CCL25: variants seen among roughly 807,000 people sequenced by gnomAD.
CCL25 encodes C-C motif chemokine 25.
In CCL25, 14 loss-of-function variants were observed where a neutral mutation model predicts 19.9. The ratio of observed to expected loss-of-function variants is 0.70; its 90% confidence interval spans 0.47 to 1.10. CCL25 has a LOEUF of 1.10. Among genes scored for constraint, CCL25 ranks in the 50% least tolerant of loss-of-function variants. The pLI, the probability that CCL25 is intolerant of heterozygous loss-of-function variation, is 0.00. For synonymous variants in CCL25, 68 were observed against 73.2 expected, an observed-to-expected ratio of 0.93 and a Z score of 0.36; for missense variants, 151 against 181.2, an observed-to-expected ratio of 0.83 and a Z score of 0.96.
intron 2 of CCL25, among the ~76,000 whole-genome samples, chr19:8,054,335 G>T (rs752070750): frequency 6.6e-6 from 1 of 152,216 alleles, no homozygotes; most frequent in East Asian, 1.9e-4. Flanking sequence ...CCAGCCCTTC[G>T]ATCCTGGCCT....
intron 2 of CCL25, among the ~76,000 whole-genome samples, chr19:8,054,556 C>G (rs1423169686): frequency 6.6e-6 from 1 of 152,096 alleles, no homozygotes; most frequent in African/African-American, 2.4e-5. Flanking sequence ...CTCCAAAGGC[C>G]ATTTAGGCAG....
intron 2 of CCL25, among the ~76,000 whole-genome samples, chr19:8,054,506 C>T (rs986423682): frequency 2.0e-5 from 3 of 152,188 alleles, no homozygotes; most frequent in African/African-American, 4.8e-5. Context: ...CAGACTCGGC[C>T]TCTGGAGGTT....
At chr19:8,056,869 G>A (rs2081276148) in intron 4 of CCL25, among the ~76,000 whole-genome samples, 1 of 152,066 alleles carries the variant, frequency 6.6e-6, no homozygotes, top group East Asian at 1.9e-4. Context: ...TTGAGACAGA[G>A]TCTTACTGTG....
At chr19:8,055,963 C>T (rs2081268116) in intron 2 of CCL25, among the ~76,000 whole-genome samples, 189 bp from the exon 3 acceptor site, 1 of 152,318 alleles carries the variant, frequency 6.6e-6, no homozygotes, top group South Asian at 2.1e-4. Context: ...CTCTGGCTGT[C>T]CCAATATCCA....
At position 8,057,892 on chromosome 19, in the gene CCL25, T is replaced by C. The variant is rs939371726; in HGVS notation, c.417T>C (p.Asn139=). The stretch of plus-strand genomic sequence containing the variant: ...ATCCCATCAGCAGCAGTAAGAGGAA[T>C]GTCTCCCTCCTGATATCAGCTAATT... ...FSNPISSSKR[N]VSLLISANSG... is the part of the protein sequence containing the mutation. Residue 139 remains asparagine, a synonymous_variant, in exon 5 of 6, where the codon AAT becomes AAC. Transcript: ENST00000315626. 1 of 1,613,054 alleles carries C rather than the reference T, an allele frequency of 6.2e-7. No individual in the cohort carries two copies. The highest frequency in any genetic ancestry group is 1.1e-5 in the South Asian group (1 of 91,058).
rs548907447 is a variant in CCL25, at chr19:8,058,006, G to C, written c.445+86G>C. On this transcript the variant is annotated intron_variant, in intron 5 of 5. Transcript: ENST00000315626. ...TCGTGATTGGCTCACACTGGGACAG[G>C]AGATTCACCTCCAGGACCCAGGAGA... 8.5e-6 allele frequency: 13 copies of C among 1,537,478 alleles called. 1 individual carries two copies. The highest frequency in any genetic ancestry group is 7.4e-5 in the South Asian group (6 of 80,564).
intron 5 of CCL25, among the ~76,000 whole-genome samples, chr19:8,058,818 TGG>T (rs2081294158): frequency 7.1e-6 from 1 of 139,878 alleles, no homozygotes; most frequent in Non-Finnish European, 1.5e-5. Context: ...GCCACCACGC[TGG>T]GCTAATTTTT....
chr19:8,062,453 C>A lies in CCL25; in HGVS notation c.*228C>A. On this transcript the variant is annotated 3_prime_UTR_variant, in exon 6 of 6. Coordinates refer to ENST00000315626, the MANE Select transcript of CCL25 (RefSeq NM_005624.4). Reference sequence around the variant, plus strand: ...AGCCTTTTGCCGCTCCGGGGACCAGCAGCAATCCTGGGCAGCCAGTGGCTC... The same window carrying A: ...AGCCTTTTGCCGCTCCGGGGACCAGAAGCAATCCTGGGCAGCCAGTGGCTC... The A allele has an allele frequency of 5.3e-6, 3 of 565,264 alleles. No homozygotes were observed. The highest frequency in any genetic ancestry group is 9.5e-6 in the Non-Finnish European group (3 of 315,174). 35.0% of individuals were successfully genotyped at this position (565,264 alleles called of 1,614,324 possible).
At chr19:8,058,308 A>AATATATAAGTAAATATATAATATATAAAC (rs1568335146) in intron 5 of CCL25, among the ~76,000 whole-genome samples, 1 of 129,798 alleles carries the variant, frequency 7.7e-6, no homozygotes, top group Non-Finnish European at 1.6e-5. Context: ...AAACATATAT[A>AATATATAAGTAAATATATAATATATAAAC]ATATATAAGT....
rs1568332191 is a variant in CCL25, at chr19:8,052,800, C to T, written c.-73C>T. 5 of 452,634 alleles carry T rather than the reference C, an allele frequency of 1.1e-5. No homozygotes were observed. Among genetic ancestry groups the T allele is most frequent in the East Asian group, 3.4e-5 (1 of 29,488 alleles). The allele number at this position is 452,634 out of a possible 1,614,324, so 28.0% of individuals were successfully genotyped here. On this transcript the variant is annotated 5_prime_UTR_variant, in exon 1 of 6. Coordinates refer to ENST00000315626, the MANE Select transcript of CCL25 (RefSeq NM_005624.4). ...TGGCCTACAGCCCGGCGGGCATCAGCTCCCTTGACCCAGTGGATATCGGTG... is the reference window on the plus strand; with the variant it reads ...TGGCCTACAGCCCGGCGGGCATCAGTTCCCTTGACCCAGTGGATATCGGTG...
At chr19:8,052,456 G>C (rs1001171717), upstream of CCL25, among the ~76,000 whole-genome samples, 2 of 151,928 alleles carry the variant, frequency 1.3e-5, no homozygotes, top group African/African-American at 2.4e-5. Context: ...GTAAGGGCTT[G>C]TTTGGGGGCT....
chr19:8,060,211 T>G (rs1338528390), intron 5 of CCL25, among the ~76,000 whole-genome samples: 3 of 151,188 alleles, frequency 2.0e-5, no homozygotes, highest in African/African-American at 4.9e-5. Context: ...TGTGGTGGCA[T>G]GCACCTGTAG....
In CCL25 at chr19:8,056,067, A is replaced by G. The variant is rs886464936; in HGVS notation, c.74-85A>G. The G allele has an allele frequency of 1.9e-5, 17 of 874,316 alleles. No individual in the cohort carries two copies. In the African/African-American group the frequency reaches 2.7e-4, roughly 14 times the overall value. The allele number at this position is 874,316 out of a possible 1,614,324, so 54.2% of individuals were successfully genotyped here. Reference sequence around the variant, plus strand: ...AGGGTTGTGGTATGAGCAGACAGGTATGCAGACAGGTGCCCTTGCCTGTGG... The same window carrying G: ...AGGGTTGTGGTATGAGCAGACAGGTGTGCAGACAGGTGCCCTTGCCTGTGG... On this transcript the variant is annotated intron_variant, in intron 2 of 5. Transcript: ENST00000315626.
At position 8,057,837 on chromosome 19, in the gene CCL25, A is replaced by G. The variant is rs1279189766; in HGVS notation, c.362A>G (p.Asn121Ser). 1 of 1,613,250 alleles carries G rather than the reference A, an allele frequency of 6.2e-7. No individual in the cohort carries two copies. Among genetic ancestry groups the G allele is most frequent in the South Asian group, 1.1e-5 (1 of 91,012 alleles). The change falls in exon 5 of 6, where the codon AAC (asparagine) becomes AGC (serine). Residue 121 changes from asparagine (N) to serine (S), a missense_variant. By Grantham distance (46) the Asn-to-Ser change is conservative. Coordinates refer to ENST00000315626, the MANE Select transcript of CCL25 (RefSeq NM_005624.4). ...GCTGTAAAGAAGTTGAGTTCTGGAA[A>G]CTCCAAGTTATCATCGTCCAAGTTT... ...PHAVKKLSSG[N>S]SKLSSSKFSN...
At chr19:8,056,094 T>C (rs2081268695) in intron 2 of CCL25, 58 bp from the exon 3 acceptor site, 11 of 1,184,374 alleles carry the variant, frequency 9.3e-6, no homozygotes, top group South Asian at 1.5e-5. Flanking sequence ...TGCCTGTGGC[T>C]GGCCCTGCCA....
chr19:8,056,171 C>T lies in CCL25; in HGVS notation c.93C>T (p.Cys31=), dbSNP rs368627281. The part of the protein sequence containing the change: ...VHTQGVFEDC[C]LAYHYPIGWA... ...TTGCAGGTGTCTTTGAGGACTGCTG[C>T]CTGGCCTACCACTACCCCATTGGGT... The change falls in exon 3 of 6, where the codon TGC becomes TGT. Residue 31 remains cysteine, a synonymous_variant. Transcript: ENST00000315626. 52 of 1,549,736 alleles carry T rather than the reference C, an allele frequency of 3.4e-5. No individual in the cohort carries two copies. Among genetic ancestry groups the T allele is most frequent in the Non-Finnish European group, 4.5e-5 (52 of 1,149,934 alleles).
At chr19:8,053,868 T>A (rs2081250235) in intron 2 of CCL25, among the ~76,000 whole-genome samples, 1 of 152,050 alleles carries the variant, frequency 6.6e-6, no homozygotes, top group South Asian at 2.1e-4. Flanking sequence ...TTTAGGAGCC[T>A]CCGTTTCCTC....
chr19:8,055,777 C>G (rs1289187835), intron 2 of CCL25, among the ~76,000 whole-genome samples: 1 of 152,130 alleles, frequency 6.6e-6, no homozygotes, highest in Non-Finnish European at 1.5e-5. Flanking sequence ...AGCTGCCAAT[C>G]AGCTCATTTT....
chr19:8,062,027 C>T (rs990205752), intron 5 of CCL25, among the ~76,000 whole-genome samples, 191 bp from the exon 6 acceptor site: 7 of 129,510 alleles, frequency 5.4e-5, no homozygotes, highest in Admixed American at 3.8e-4. Context: ...TCCAGTCTGG[C>T]GACAGAGCGA....
Sources: gnomAD v4.1 joint callset for allele counts (sites outside exome capture counted in the v4.1 genomes callset) on GRCh38, gnomAD v4.1.1 for gene constraint, MANE v1.5 for transcripts, NCBI Gene and HGNC (gene_info 2026-07-23, HGNC 2026-07-21) for gene names.